Variants in FSTL4 observed in about 807,000 individuals in gnomAD.
The protein encoded by FSTL4 is follistatin like 4.
In FSTL4, 28 loss-of-function variants were observed where a neutral mutation model predicts 78.2. That is an observed-to-expected ratio of 0.36 (90% CI 0.27 to 0.49). The LOEUF is 0.49. Among genes scored for constraint, FSTL4 ranks in the 20% least tolerant of loss-of-function variants. The pLI is 0.98. For synonymous variants in FSTL4, 422 were observed against 440.5 expected (o/e 0.96, Z 0.53); for missense variants, 922 against 1,084.9 (o/e 0.85, Z 2.11).
intron 2 of FSTL4, chr5:133,574,722 C>T (rs1018570785): frequency 6.6e-6 from 1 of 152,156 alleles, no homozygotes; most frequent in Non-Finnish European, 1.5e-5. Context: ...CATATCCATA[C>T]AATGGAAAAC....
At chr5:133,781,252 G>A in the FSTL4 span, among the ~76,000 whole-genome samples, 1 of 152,136 alleles carries the variant, frequency 6.6e-6, no homozygotes, top group African/African-American at 2.4e-5. Flanking sequence ...AACAGGTCCA[G>A]ACATCTTGCA....
chr5:133,801,536 C>T, the FSTL4 span, among the ~76,000 whole-genome samples: 1 of 152,218 alleles, frequency 6.6e-6, no homozygotes, highest in Non-Finnish European at 1.5e-5. Flanking sequence ...TAGCAGCCAC[C>T]ATCTCTCACC....
chr5:133,321,465 AG>A (rs1413694856), intron 4 of FSTL4, among the ~76,000 whole-genome samples: 1 of 152,204 alleles, frequency 6.6e-6, no homozygotes, highest in East Asian at 1.9e-4. Flanking sequence ...TTCGGAGGGA[AG>A]GTCCCTGGGG....
At chr5:133,493,582 C>T (rs1006364985) in intron 3 of FSTL4, among the ~76,000 whole-genome samples, 1 of 152,096 alleles carries the variant, frequency 6.6e-6, no homozygotes, top group Non-Finnish European at 1.5e-5. Flanking sequence ...TTGTGCAGGC[C>T]CAAAGTACAC....
chr5:133,770,946 T>A, the FSTL4 span, among the ~76,000 whole-genome samples: 2 of 152,072 alleles, frequency 1.3e-5, no homozygotes, highest in African/African-American at 4.8e-5. Context: ...TGCATGACTA[T>A]CCAATTTTCA....
chr5:133,410,438 T>C (rs954333270), intron 3 of FSTL4, among the ~76,000 whole-genome samples: 1 of 152,190 alleles, frequency 6.6e-6, no homozygotes, highest in Non-Finnish European at 1.5e-5. Context: ...CGCCACTACG[T>C]GGGTTCCTTC....
At position 133,220,723 on chromosome 5, in the gene FSTL4, A is replaced by G. The variant is rs747534469; in HGVS notation, c.1458+25T>C. The G allele has an allele frequency of 4.3e-6, 5 of 1,161,172 alleles. No individual in the cohort carries two copies. In the South Asian group the frequency reaches 6.1e-5, roughly 14 times the overall value. 71.9% of individuals were successfully genotyped at this position (1,161,172 alleles called of 1,614,324 possible). On this transcript the variant is annotated intron_variant, in intron 12 of 15. Transcript: ENST00000265342. ...GGATTTTGCCTGTGTATGATGTAGA[A>G]GCTGCCCCAGGCACAGTTACTTACA...
Position 133,604,359 on chromosome 5 carries a change from C to T in FSTL4, c.-10-366G>A, listed in dbSNP as rs1373481627. Among the ~76,000 whole-genome samples, 9 of 152,270 alleles carry T rather than the reference C, an allele frequency of 5.9e-5. 1 individual carries two copies. The South Asian group carries it at 1.5e-3, about 25-fold the overall frequency. On this transcript the variant is annotated intron_variant, in intron 1 of 15. Transcript: ENST00000265342. ...CCTCTATTAGGCTGCCATATAGCCA[C>T]GCCTTAGTTTCCTGAGAAAGCATTT...
At chr5:133,525,740 T>C (rs1759081886) in intron 3 of FSTL4, among the ~76,000 whole-genome samples, 1 of 152,158 alleles carries the variant, frequency 6.6e-6, no homozygotes, top group African/African-American at 2.4e-5. Context: ...GCACAAGCCC[T>C]TGTCATGCAA....
At chr5:133,467,160 G>C (rs1757730365) in intron 3 of FSTL4, among the ~76,000 whole-genome samples, 1 of 151,746 alleles carries the variant, frequency 6.6e-6, no homozygotes. Flanking sequence ...GTGTGTGAGA[G>C]TGAGTGTATG....
chr5:133,628,328 G>C, the FSTL4 span, among the ~76,000 whole-genome samples: 1 of 151,542 alleles, frequency 6.6e-6, no homozygotes, highest in South Asian at 2.1e-4. Context: ...ATCAGGAGCT[G>C]ATTTTTTTTG....
intron 3 of FSTL4, among the ~76,000 whole-genome samples, chr5:133,478,573 T>C (rs1227812504): frequency 6.6e-6 from 1 of 152,242 alleles, no homozygotes; most frequent in East Asian, 1.9e-4. Flanking sequence ...AGATTCTCCA[T>C]TGATCCCCTG....
the FSTL4 span, among the ~76,000 whole-genome samples, chr5:133,718,448 A>C: frequency 1.1e-4 from 17 of 152,132 alleles, no homozygotes; most frequent in Non-Finnish European, 5.9e-5. Context: ...ATTTTTACTC[A>C]TGCATAGGTC....
At chr5:133,736,248 C>A in the FSTL4 span, among the ~76,000 whole-genome samples, 1 of 152,196 alleles carries the variant, frequency 6.6e-6, no homozygotes, top group Non-Finnish European at 1.5e-5. Flanking sequence ...AGAGGCAGAA[C>A]TGATGGTAAG....
chr5:133,319,446 G>C (rs1213253989), intron 4 of FSTL4, among the ~76,000 whole-genome samples: 1 of 152,220 alleles, frequency 6.6e-6, no homozygotes, highest in African/African-American at 2.4e-5. Context: ...GGGATGTTCA[G>C]GATGAGACCT....
chr5:133,649,850 T>A, the FSTL4 span, among the ~76,000 whole-genome samples: 2 of 152,176 alleles, frequency 1.3e-5, no homozygotes, highest in Non-Finnish European at 2.9e-5. Context: ...AGCAAAAAAG[T>A]TTCATTTCAA....
chr5:133,234,741 C>G (rs78406411), intron 7 of FSTL4, among the ~76,000 whole-genome samples: 6,034 of 152,250 alleles, frequency 0.04, 151 homozygotes, highest in Middle Eastern at 0.082. Flanking sequence ...TGCCATTGAC[C>G]AATGTACCCA....
intron 2 of FSTL4, among the ~76,000 whole-genome samples, chr5:133,586,294 G>C (rs1760518021): frequency 1.1e-5 from 1 of 92,282 alleles, no homozygotes; most frequent in Non-Finnish European, 2.3e-5. Flanking sequence ...GAGCAGAACT[G>C]AAGGAAATAG....
chr5:133,721,021 A>G, the FSTL4 span: 1 of 152,160 alleles, frequency 6.6e-6, no homozygotes, highest in Non-Finnish European at 1.5e-5. Flanking sequence ...GCCACTGGCC[A>G]GAACTCGAAA....
Sources: allele counts gnomAD v4.1 joint callset (sites outside exome capture counted in the v4.1 genomes callset), GRCh38; gene constraint gnomAD v4.1.1; transcripts MANE v1.5; gene names NCBI Gene and HGNC (gene_info 2026-07-23, HGNC 2026-07-21).